Variants in AMMECR1L observed in about 807,000 individuals in gnomAD.
AMMECR1L encodes the protein AMMECR1-like protein.
A neutral mutation model predicts 36.8 loss-of-function variants in AMMECR1L; 4 were observed. That is an observed-to-expected ratio of 0.11 (90% CI 0.05 to 0.25). The LOEUF (loss-of-function observed/expected upper bound fraction) is 0.25. Ranked by LOEUF, AMMECR1L falls within the 10% of genes least tolerant of loss-of-function variation. The pLI, the probability that AMMECR1L is intolerant of heterozygous loss-of-function variation, is 1.00. For missense variants in AMMECR1L, 232 were observed against 392.1 expected (o/e 0.59, Z 3.45); for synonymous variants, 147 against 148.0 (o/e 0.99, Z 0.05).
intron 2 of AMMECR1L, among the ~76,000 whole-genome samples, chr2:127,878,700 T>C (rs1383246996): frequency 2.6e-5 from 4 of 152,178 alleles, no homozygotes; most frequent in South Asian, 2.1e-4. Context: ...TTTTACACAG[T>C]TGTGTTTACA....
Position 127,869,063 on chromosome 2 carries a change from C to T in AMMECR1L, c.724+391G>A, listed in dbSNP as rs559613680. Among the ~76,000 whole-genome samples the T allele has an allele frequency of 6.6e-6, 1 of 152,270 alleles. No homozygotes were observed. Among genetic ancestry groups the T allele is most frequent in the East Asian group, 1.9e-4 (1 of 5,190 alleles). ...TAAAAAACAGTAGGGACTATGTTTA[C>T]ACCCTTTGCCATGTATAATATTGTT... On this transcript the variant is annotated intron_variant, in intron 6 of 7. Transcript: ENST00000272647. This position sits in a 1 kb window ranked among gnomAD's most constrained non-coding sequence, Gnocchi z 4.7.
intron 1 of AMMECR1L, chr2:127,884,751 C>A (rs532347888): frequency 6.6e-6 from 1 of 152,406 alleles, no homozygotes; most frequent in South Asian, 2.1e-4. Flanking sequence ...ACGCCAGAGG[C>A]AGGGACCTGA....
chr2:127,868,278 G>A (rs1190032718), intron 6 of AMMECR1L, among the ~76,000 whole-genome samples: 1 of 152,094 alleles, frequency 6.6e-6, no homozygotes, highest in Non-Finnish European at 1.5e-5. Context: ...ACTTTCAAAT[G>A]GCAAAAGTAA....
intron 7 of AMMECR1L, among the ~76,000 whole-genome samples, chr2:127,866,638 G>A (rs1013750237): frequency 5.9e-5 from 9 of 152,112 alleles, no homozygotes; most frequent in African/African-American, 2.2e-4. Flanking sequence ...TCCCAACCAC[G>A]TGGGTCTGGC....
intron 4 of AMMECR1L, 57 bp from the exon 5 acceptor site, chr2:127,870,985 G>C (rs1690937819): frequency 9.0e-6 from 12 of 1,332,356 alleles, no homozygotes; most frequent in Non-Finnish European, 1.3e-5. Flanking sequence ...GCCAATATCA[G>C]GTGCCATAGA....
chr2:127,874,758 A>G lies in AMMECR1L; in HGVS notation c.-38-486T>C, dbSNP rs964249736. Among the ~76,000 whole-genome samples, 1 of 152,160 alleles carries G rather than the reference A, an allele frequency of 6.6e-6. No homozygotes were observed. Among genetic ancestry groups the G allele is most frequent in the Non-Finnish European group, 1.5e-5 (1 of 68,030 alleles). The stretch of plus-strand genomic sequence containing the variant: ...TTTTCCTCATCACTAACTACAATCT[A>G]TCTTCGTACTTTCAGCCCCAAACCA... On this transcript the variant is annotated intron_variant, in intron 2 of 7. Coordinates refer to ENST00000272647, the MANE Select transcript of AMMECR1L (RefSeq NM_001199140.2). This position sits in a 1 kb window ranked among gnomAD's most constrained non-coding sequence, Gnocchi z 5.2.
chr2:127,870,319 A>C (rs1690904343), intron 5 of AMMECR1L, among the ~76,000 whole-genome samples: 1 of 151,862 alleles, frequency 6.6e-6, no homozygotes, highest in Non-Finnish European at 1.5e-5. Context: ...TCTCAAAAAA[A>C]AAAAAAATAG....
chr2:127,867,538 T>C (rs1033435567), intron 6 of AMMECR1L, among the ~76,000 whole-genome samples: 1 of 152,020 alleles, frequency 6.6e-6, no homozygotes, highest in African/African-American at 2.4e-5. Flanking sequence ...CTTGAGCCCA[T>C]GAGTTCAAGG....
At chr2:127,883,663 G>A (rs1041067848) in intron 2 of AMMECR1L, among the ~76,000 whole-genome samples, 11 of 152,142 alleles carry the variant, frequency 7.2e-5, no homozygotes, top group Admixed American at 2.6e-4. Context: ...GGGCACAGCA[G>A]TCATAATTTT....
chr2:127,862,901 A>G lies in AMMECR1L; in HGVS notation c.*2193T>C, dbSNP rs1690528901. On this transcript the variant is annotated 3_prime_UTR_variant, in exon 8 of 8. Transcript: ENST00000272647. ...ATAAAATAAAATAAAATAATAAAAT[A>G]AAATAACATACCATACATTGGAGAA... 6.6e-6 allele frequency: 1 copy of G among 152,444 alleles called. No homozygotes were observed. Among genetic ancestry groups the G allele is most frequent in the South Asian group, 2.1e-4 (1 of 4,834 alleles). 9.4% of individuals were successfully genotyped at this position (152,444 alleles called of 1,614,324 possible). A position where few individuals can be genotyped will look rare whatever the true frequency, so the allele number is the denominator to read the frequency against.
intron 6 of AMMECR1L, 199 bp from the exon 7 acceptor site, chr2:127,867,195 G>A: frequency 9.1e-6 from 9 of 985,450 alleles, no homozygotes; most frequent in Non-Finnish European, 1.1e-5. Context: ...GACATGAGAT[G>A]ATAGCCCGAC....
intron 2 of AMMECR1L, among the ~76,000 whole-genome samples, chr2:127,877,226 T>G (rs1008281423): frequency 6.6e-6 from 1 of 151,746 alleles, no homozygotes; most frequent in Non-Finnish European, 1.5e-5. Context: ...GAGCACACAC[T>G]CTTCAAAAAG....
At chr2:127,884,810 G>C (rs965473839) in intron 1 of AMMECR1L, 7 of 152,172 alleles carry the variant, frequency 4.6e-5, no homozygotes, top group African/African-American at 1.7e-4. Flanking sequence ...TGTTGCTAAG[G>C]GTCATCCATC....
Position 127,876,052 on chromosome 2 carries a change from G to GC in AMMECR1L, c.-38-1781dup, listed in dbSNP as rs758513331. ...AAGGGAGGGATCCGCTCCCCGCCCC[G>GC]CCCCCCCACCCGCTGGCTGGACACA... On this transcript the variant is annotated intron_variant, in intron 2 of 7. Coordinates refer to ENST00000272647, the MANE Select transcript of AMMECR1L (RefSeq NM_001199140.2). 7.6e-3 allele frequency among the ~76,000 whole-genome samples: 659 copies of GC among 86,346 alleles called. 3 individuals carry two copies. The highest frequency in any genetic ancestry group is 0.01 in the Non-Finnish European group (420 of 40,224). 56.6% of individuals were successfully genotyped at this position (86,346 alleles called of 152,430 possible).
chr2:127,875,416 G>A (rs1691182156), intron 2 of AMMECR1L, among the ~76,000 whole-genome samples: 1 of 152,088 alleles, frequency 6.6e-6, no homozygotes, highest in Admixed American at 6.5e-5. Context: ...AGAGAAGAGA[G>A]ATTTGCGCTG....
chr2:127,873,751 C>A lies in AMMECR1L; in HGVS notation c.407+77G>T. The A allele has an allele frequency of 6.2e-7, 1 of 1,603,800 alleles. No homozygotes were observed. The highest frequency in any genetic ancestry group is 8.5e-7 in the Non-Finnish European group (1 of 1,178,062). ...AATGATAATAAAGACTTCCAAGTAGCAGACCCTCTCAAGAGAATCACCCCA... is the reference window on the plus strand; with the variant it reads ...AATGATAATAAAGACTTCCAAGTAGAAGACCCTCTCAAGAGAATCACCCCA... On this transcript the variant is annotated intron_variant, in intron 3 of 7. Transcript: ENST00000272647. This position sits in a 1 kb window ranked among gnomAD's most constrained non-coding sequence, Gnocchi z 5.2.
At chr2:127,880,218 C>T (rs1691429699) in intron 2 of AMMECR1L, among the ~76,000 whole-genome samples, 1 of 152,134 alleles carries the variant, frequency 6.6e-6, no homozygotes, top group Admixed American at 6.5e-5. Context: ...TAACCAAGAC[C>T]CTTCCAGGCC....
Position 127,885,889 on chromosome 2 carries a change from GCGC to G in AMMECR1L, c.-231_-229del, listed in dbSNP as rs1311418248. ...TCCTCCTCTTGCTTCATGGAGCCAT[GCGC>G]CTGGGTGGGGGCTCCCGAGAGAAGC... On this transcript the variant is annotated 5_prime_UTR_variant, in exon 1 of 8. Coordinates refer to ENST00000272647, the MANE Select transcript of AMMECR1L (RefSeq NM_001199140.2). 1 of 986,100 alleles carries G rather than the reference GCGC, an allele frequency of 1.0e-6. No homozygotes were observed. The allele number at this position is 986,100 out of a possible 1,614,324, so 61.1% of individuals were successfully genotyped here.
intron 2 of AMMECR1L, among the ~76,000 whole-genome samples, chr2:127,877,167 G>A (rs989167015): frequency 6.6e-6 from 1 of 151,490 alleles, no homozygotes; most frequent in Admixed American, 6.6e-5. Flanking sequence ...CAACTCCTGG[G>A]GGGCCAGTAC....
Sources: allele counts gnomAD v4.1 joint callset (sites outside exome capture counted in the v4.1 genomes callset), GRCh38; gene constraint gnomAD v4.1.1; non-coding constraint Gnocchi (gnomAD v3.1); transcripts MANE v1.5; gene names NCBI Gene and HGNC (gene_info 2026-07-23, HGNC 2026-07-21).